FGD3: variants seen among roughly 807,000 people sequenced by gnomAD.
The protein encoded by FGD3 is FYVE, RhoGEF and PH domain-containing protein 3.
FGD3 carries 45 observed loss-of-function variants against 71.8 expected under a neutral mutation model. The ratio of observed to expected loss-of-function variants is 0.63; its 90% CI spans 0.49 to 0.80. The LOEUF is 0.80. Among genes scored for constraint, FGD3 ranks in the 30% least tolerant of loss-of-function variants. The pLI is 0.00. For synonymous variants in FGD3, 378 were observed against 392.8 expected (o/e 0.96, Z 0.44); for missense variants, 844 against 951.5 (o/e 0.89, Z 1.49).
At chr9:93,035,290 G>A (rs769887892) in intron 17 of FGD3, 48 bp from the exon 18 acceptor site, 5 of 1,579,594 alleles carry the variant, frequency 3.2e-6, no homozygotes, top group East Asian at 4.5e-5. Flanking sequence ...AGGTGAGCCC[G>A]AGGCCGGGAA....
chr9:92,972,325 G>T (rs776250178), intron 1 of FGD3, among the ~76,000 whole-genome samples: 76 of 151,790 alleles, frequency 5.0e-4, no homozygotes, highest in Non-Finnish European at 9.6e-4. Context: ...GGTGGTGGGT[G>T]CCTGTAATCC....
chr9:92,979,210 C>T (rs1859895667), intron 3 of FGD3, among the ~76,000 whole-genome samples: 1 of 152,076 alleles, frequency 6.6e-6, no homozygotes. Context: ...AAGTTTTAGT[C>T]TTTCACCATT....
intron 9 of FGD3, among the ~76,000 whole-genome samples, chr9:93,014,790 C>A (rs760900815): frequency 4.3e-4 from 66 of 151,944 alleles, no homozygotes; most frequent in Admixed American, 1.2e-3. Context: ...TACAGGCGTG[C>A]GCCACCACGC....
Position 93,020,363 on chromosome 9 carries a change from T to C in FGD3, c.1433T>C (p.Phe478Ser), listed in dbSNP as rs1308721041. 6.2e-7 allele frequency: 1 copy of C among 1,613,678 alleles called. No homozygotes were observed. Among genetic ancestry groups the C allele is most frequent in the Admixed American group, 1.7e-5 (1 of 59,976 alleles). The change falls in exon 13 of 18, where the codon TTC becomes TCC. Residue 478 changes from phenylalanine to serine, a missense_variant. Phe to Ser is a radical substitution (Grantham distance 155). Transcript: ENST00000375482. ...AAGCACAAACAGAACAGCGAAACCT[T>C]CAAGGCTTTTGGTGGCGCCTTCAGC... ...IEKHKQNSET[F>S]KAFGGAFSQD...
intron 3 of FGD3, among the ~76,000 whole-genome samples, chr9:92,983,598 T>C: frequency 6.6e-6 from 1 of 152,168 alleles, no homozygotes. Context: ...ATTATAGAAG[T>C]TTTGCATAAT....
chr9:93,024,451 C>T (rs35483022), intron 14 of FGD3, among the ~76,000 whole-genome samples: 9,387 of 152,354 alleles, frequency 0.062, 419 homozygotes, highest in Non-Finnish European at 0.091. Flanking sequence ...AAGGTATGAA[C>T]TTGGCTGGCC....
rs1464131227 is a variant in FGD3 at position 93,003,250 on chromosome 9, T to C, written c.543+236T>C. The stretch of plus-strand genomic sequence containing the variant: ...TTCAAGCAATTCTCCTGTCTCAGCC[T>C]CCCGAGTAGCTGGGACTACAGGCAC... On this transcript the variant is annotated intron_variant, in intron 4 of 17. Coordinates refer to ENST00000375482, the MANE Select transcript of FGD3 (RefSeq NM_001083536.2). The surrounding 1 kb of genome is among the most constrained non-coding windows in gnomAD (Gnocchi z 4.1). 6.6e-6 allele frequency among the ~76,000 whole-genome samples: 1 copy of C among 152,068 alleles called. No individual in the cohort carries two copies. The highest frequency in any genetic ancestry group is 1.5e-5 in the Non-Finnish European group (1 of 67,998).
intron 14 of FGD3, among the ~76,000 whole-genome samples, chr9:93,023,380 G>A (rs1172338516): frequency 6.6e-6 from 1 of 152,196 alleles, no homozygotes; most frequent in Non-Finnish European, 1.5e-5. Context: ...AGTGCTTCAG[G>A]GGCACGACGG....
At position 93,003,054 on chromosome 9, in the gene FGD3, G is replaced by A; in HGVS notation, c.543+40G>A. ...TTGGGGGCAGTTTCAGTATCTCTTA[G>A]CATTGGCTGGGCATTATAGGTGCAG... On this transcript the variant is annotated intron_variant, in intron 4 of 17. Transcript: ENST00000375482. The surrounding 1 kb of genome is among the most constrained non-coding windows in gnomAD (Gnocchi z 4.1). 1 of 1,577,776 alleles carries A rather than the reference G, an allele frequency of 6.3e-7. No individual in the cohort carries two copies. Among genetic ancestry groups the A allele is most frequent in the Non-Finnish European group, 8.7e-7 (1 of 1,147,258 alleles).
intron 3 of FGD3, among the ~76,000 whole-genome samples, chr9:92,983,656 T>G (rs1456464251): frequency 6.6e-6 from 1 of 152,242 alleles, no homozygotes; most frequent in African/African-American, 2.4e-5. Flanking sequence ...GAATAATGCT[T>G]TAATAAAACT....
At chr9:93,001,477 A>G (rs1860856759) in intron 3 of FGD3, among the ~76,000 whole-genome samples, 1 of 152,092 alleles carries the variant, frequency 6.6e-6, no homozygotes, top group Non-Finnish European at 1.5e-5. Flanking sequence ...GATTATTTCT[A>G]TCTTATCTTC....
chr9:93,021,690 T>C (rs1861926087), intron 13 of FGD3, among the ~76,000 whole-genome samples: 1 of 152,158 alleles, frequency 6.6e-6, no homozygotes, highest in African/African-American at 2.4e-5. Flanking sequence ...CCAGGCTGGT[T>C]CTGCCCTCCC....
At chr9:93,022,533 C>T (rs1271720766) in intron 14 of FGD3, 144 bp downstream of exon 14, 2 of 769,192 alleles carry the variant, frequency 2.6e-6, no homozygotes, top group Non-Finnish European at 4.1e-6. Flanking sequence ...CTGCCCTGCT[C>T]ACTGTGACTG....
intron 3 of FGD3, among the ~76,000 whole-genome samples, chr9:92,981,689 C>T (rs961519779): frequency 1.3e-5 from 2 of 151,986 alleles, no homozygotes; most frequent in African/African-American, 4.8e-5. Context: ...TTCAATTTTG[C>T]CAAAGTTTCC....
chr9:93,012,280 G>A (rs1316159685), intron 8 of FGD3, among the ~76,000 whole-genome samples: 1 of 151,984 alleles, frequency 6.6e-6, no homozygotes, highest in African/African-American at 2.4e-5. Flanking sequence ...ACAAATCCAA[G>A]TCTTTTCACC....
In FGD3 at chr9:92,958,828, T is replaced by C. The variant is rs1449349440; in HGVS notation, c.-218+11099T>C. 2.6e-5 allele frequency among the ~76,000 whole-genome samples: 4 copies of C among 152,274 alleles called. No homozygotes were observed. The East Asian group carries it at 7.7e-4, about 29-fold the overall frequency. On this transcript the variant is annotated intron_variant, in intron 1 of 17. Coordinates refer to ENST00000375482, the MANE Select transcript of FGD3 (RefSeq NM_001083536.2). ...TTTGTTGAAAGGACGTATCTTTCCC[T>C]ATTGATATGTACTGGCACCTTCATT...
chr9:93,030,964 T>C (rs1320687484), intron 15 of FGD3, among the ~76,000 whole-genome samples: 1 of 151,974 alleles, frequency 6.6e-6, no homozygotes, highest in Non-Finnish European at 1.5e-5. Context: ...GATGGATGGA[T>C]GGATGGATGA....
chr9:93,016,926 C>T (rs1463889462), intron 10 of FGD3, among the ~76,000 whole-genome samples: 5 of 152,190 alleles, frequency 3.3e-5, no homozygotes, highest in African/African-American at 7.2e-5. Context: ...CAGCCATGAC[C>T]GATTTTTTGT....
At chr9:93,012,958 G>T (rs368840639) in intron 8 of FGD3, among the ~76,000 whole-genome samples, 2 of 151,228 alleles carry the variant, frequency 1.3e-5, no homozygotes, top group Admixed American at 1.3e-4. Context: ...AGCTGCACAC[G>T]CAGCTCCCCA....
Sources: allele counts gnomAD v4.1 joint callset (sites outside exome capture counted in the v4.1 genomes callset), GRCh38; gene constraint gnomAD v4.1.1; non-coding constraint Gnocchi (gnomAD v3.1); transcripts MANE v1.5; gene names NCBI Gene and HGNC (gene_info 2026-07-23, HGNC 2026-07-21).